The following GRM5 variants were observed in gnomAD, a reference collection of about 807,000 sequenced individuals.
The protein encoded by GRM5 is metabotropic glutamate receptor 5.
A neutral mutation model predicts 83.1 loss-of-function variants in GRM5; 19 were observed. The ratio of observed to expected loss-of-function variants is 0.23; its 90% confidence interval spans 0.16 to 0.34. The LOEUF (loss-of-function observed/expected upper bound fraction) is 0.34. GRM5 is among the 10% of genes least tolerant of loss of function. GRM5 has a pLI of 1.00. For missense variants in GRM5, 1,160 were observed against 1,588.3 expected (o/e 0.73, Z 4.58); for synonymous variants, 675 against 633.6 (o/e 1.07, Z -0.98).
At chr11:88,652,179 A>G (rs1367695636) in intron 4 of GRM5, among the ~76,000 whole-genome samples, 1 of 152,104 alleles carries the variant, frequency 6.6e-6, no homozygotes, top group Admixed American at 6.6e-5. Flanking sequence ...ATTTATTACT[A>G]TTTATATCAT....
chr11:89,059,797 A>C (rs1182544070), intron 1 of GRM5, among the ~76,000 whole-genome samples: 1 of 152,142 alleles, frequency 6.6e-6, no homozygotes, highest in Non-Finnish European at 1.5e-5. Context: ...TCTTCTAAAA[A>C]AAATGGGATA....
intron 4 of GRM5, among the ~76,000 whole-genome samples, chr11:88,633,794 T>C (rs942856987): frequency 3.3e-5 from 5 of 152,196 alleles, no homozygotes; most frequent in Non-Finnish European, 5.9e-5. Context: ...GTGCTGAGAT[T>C]ATAAACACGA....
chr11:88,565,928 G>A (rs1354885802), intron 8 of GRM5, among the ~76,000 whole-genome samples: 1 of 152,174 alleles, frequency 6.6e-6, no homozygotes, highest in Non-Finnish European at 1.5e-5. Flanking sequence ...AGCAGACATA[G>A]TATCTTTACC....
chr11:88,913,660 C>G (rs2135615136), intron 2 of GRM5, among the ~76,000 whole-genome samples: 1 of 148,152 alleles, frequency 6.7e-6, no homozygotes, highest in South Asian at 2.2e-4. Flanking sequence ...AGTCTCGGCT[C>G]ACTCCAACCT....
At chr11:88,647,306 G>T (rs1565169987) in intron 4 of GRM5, among the ~76,000 whole-genome samples, 1 of 151,986 alleles carries the variant, frequency 6.6e-6, no homozygotes, top group East Asian at 1.9e-4. Context: ...GGAAAAGGTA[G>T]CAAGTGGTAA....
intron 8 of GRM5, among the ~76,000 whole-genome samples, chr11:88,534,092 C>A (rs570124997): frequency 1.3e-5 from 2 of 152,292 alleles, no homozygotes; most frequent in African/African-American, 4.8e-5. Context: ...GACGTCCAGG[C>A]AGAAGTTTGT....
intron 8 of GRM5, among the ~76,000 whole-genome samples, chr11:88,536,126 T>C (rs1047543619): frequency 6.6e-6 from 1 of 152,194 alleles, no homozygotes; most frequent in Non-Finnish European, 1.5e-5. Context: ...GATTAGGTCA[T>C]GGGAAATGAT....
intron 3 of GRM5, among the ~76,000 whole-genome samples, chr11:88,805,153 G>A (rs914287946): frequency 6.6e-6 from 1 of 152,054 alleles, no homozygotes; most frequent in Non-Finnish European, 1.5e-5. Context: ...ATCAACTCAT[G>A]AGTGCTGATA....
At chr11:88,687,846 A>G (rs1473766594) in intron 3 of GRM5, among the ~76,000 whole-genome samples, 1 of 151,568 alleles carries the variant, frequency 6.6e-6, no homozygotes, top group Non-Finnish European at 1.5e-5. Flanking sequence ...AAGACTCTTC[A>G]GACATTTTAA....
chr11:88,602,407 T>C (rs1229976885), intron 5 of GRM5, among the ~76,000 whole-genome samples: 1 of 152,188 alleles, frequency 6.6e-6, no homozygotes, highest in African/African-American at 2.4e-5. Context: ...TAAAACGTGC[T>C]AACAGTCTGC....
At chr11:88,624,568 G>A (rs1219508801) in intron 4 of GRM5, among the ~76,000 whole-genome samples, 2 of 152,162 alleles carry the variant, frequency 1.3e-5, no homozygotes, top group African/African-American at 2.4e-5. Flanking sequence ...TCTAATCCCA[G>A]TGCTTTGGGG....
chr11:88,947,157 A>G (rs1938307544), intron 2 of GRM5, among the ~76,000 whole-genome samples: 2 of 152,184 alleles, frequency 1.3e-5, no homozygotes, highest in South Asian at 4.1e-4. Flanking sequence ...GTGAAAAAAA[A>G]GATTCCCTTT....
intron 7 of GRM5, 32 bp from the exon 8 acceptor site, chr11:88,568,024 G>T: frequency 7.0e-7 from 1 of 1,435,452 alleles, no homozygotes. Flanking sequence ...TTGTAAAGGA[G>T]GGAGAGATGT....
chr11:88,756,913 C>T (rs1437241922), intron 3 of GRM5, among the ~76,000 whole-genome samples: 1 of 152,216 alleles, frequency 6.6e-6, no homozygotes, highest in African/African-American at 2.4e-5. Flanking sequence ...TGATGAAAGA[C>T]ATGAATATAA....
chr11:88,715,423 A>AT (rs910070658), intron 3 of GRM5, among the ~76,000 whole-genome samples: 1 of 69,704 alleles, frequency 1.4e-5, no homozygotes, highest in African/African-American at 4.8e-5. Context: ...CCCTGATGGC[A>AT]TTTTTTCATG....
At chr11:88,664,279 A>G (rs1021604555) in intron 3 of GRM5, among the ~76,000 whole-genome samples, 9 of 151,954 alleles carry the variant, frequency 5.9e-5, no homozygotes, top group Non-Finnish European at 1.0e-4. Context: ...TTGGCCCTCC[A>G]TATCCCTGGG....
chr11:88,577,056 A>G (rs1943126360), intron 7 of GRM5, among the ~76,000 whole-genome samples: 1 of 152,018 alleles, frequency 6.6e-6, no homozygotes, highest in Admixed American at 6.6e-5. Flanking sequence ...GAATTTTGCA[A>G]CCACTCTCCA....
chr11:88,658,246 G>A (rs1304636797), intron 3 of GRM5, among the ~76,000 whole-genome samples: 2 of 152,138 alleles, frequency 1.3e-5, no homozygotes, highest in African/African-American at 2.4e-5. Flanking sequence ...TGCCAAAAAC[G>A]TTGGGGACCG....
Position 88,653,369 on chromosome 11 carries a change from C to A in GRM5, c.946G>T (p.Gly316Ter). 1 of 1,612,636 alleles carries A rather than the reference C, an allele frequency of 6.2e-7. No individual in the cohort carries two copies. The highest frequency in any genetic ancestry group is 8.5e-7 in the Non-Finnish European group (1 of 1,179,084). The stretch of plus-strand genomic sequence containing the variant: ...CCACCAACAGCTTCTCGCTGATATC[C>A]ATCTGTCACATCATACCTGTCAGCC... The part of the protein sequence containing the change: ...GWADRYDVTD[G>*]YQREAVGGIT... The change falls in exon 4 of 10, where the codon GGA becomes TGA. Residue 316 changes from glycine to a stop codon, truncating the protein, a stop_gained. Coordinates refer to ENST00000305447, the MANE Select transcript of GRM5 (RefSeq NM_001143831.3). LOFTEE classifies it high-confidence loss of function.
Sources: allele counts gnomAD v4.1 joint callset (sites outside exome capture counted in the v4.1 genomes callset), GRCh38; gene constraint gnomAD v4.1.1; transcripts MANE v1.5; gene names NCBI Gene and HGNC (gene_info 2026-07-23, HGNC 2026-07-21).